The following ST8SIA6 variants were observed in gnomAD, a reference collection of about 807,000 sequenced individuals.
ST8SIA6 encodes alpha-2,8-sialyltransferase 8F.
A neutral mutation model predicts 33.6 loss-of-function variants in ST8SIA6; 39 were observed. That is an observed-to-expected ratio of 1.16 (90% confidence interval 0.90 to 1.52). The LOEUF (loss-of-function observed/expected upper bound fraction) is 1.52. ST8SIA6 is among the 40% of genes most tolerant of loss of function. The pLI, the probability that ST8SIA6 is intolerant of heterozygous loss-of-function variation, is 0.00. For synonymous variants in ST8SIA6, 172 were observed against 167.2 expected, an observed-to-expected ratio of 1.03 and a Z score of -0.22; for missense variants, 441 against 443.8, an observed-to-expected ratio of 0.99 and a Z score of 0.06.
At chr10:17,357,646 TTCTCCCTGCCTTC>T (rs1278350689) in intron 4 of ST8SIA6, among the ~76,000 whole-genome samples, 1 of 152,166 alleles carries the variant, frequency 6.6e-6, no homozygotes, top group Admixed American at 6.6e-5. Context: ...GTCCTTTAAA[TTCTCCCTGCCTTC>T]GTGGCAGGGA....
chr10:17,400,571 G>A (rs2131677728), intron 2 of ST8SIA6, among the ~76,000 whole-genome samples: 1 of 152,192 alleles, frequency 6.6e-6, no homozygotes, highest in South Asian at 2.1e-4. Flanking sequence ...ACATCAAAAA[G>A]CTTATCCACC....
chr10:17,426,188 C>T (rs1300742733), intron 2 of ST8SIA6, among the ~76,000 whole-genome samples: 3 of 152,170 alleles, frequency 2.0e-5, no homozygotes, highest in East Asian at 3.8e-4. Flanking sequence ...CTGTGTGGCA[C>T]GCGATGTCCT....
intron 7 of ST8SIA6, among the ~76,000 whole-genome samples, chr10:17,322,103 AG>A (rs1428043209): frequency 3.5e-5 from 5 of 142,066 alleles, no homozygotes; most frequent in Non-Finnish European, 7.5e-5. Flanking sequence ...ACAGAGAGAG[AG>A]AGAGAGAGAG....
chr10:17,397,734 G>A (rs1416404874), intron 2 of ST8SIA6, among the ~76,000 whole-genome samples: 1 of 152,036 alleles, frequency 6.6e-6, no homozygotes, highest in Non-Finnish European at 1.5e-5. Flanking sequence ...GCTTCTGGCT[G>A]CTTTTATTAT....
intron 3 of ST8SIA6, among the ~76,000 whole-genome samples, chr10:17,367,485 G>A (rs1017625466): frequency 1.8e-4 from 28 of 152,082 alleles, no homozygotes; most frequent in African/African-American, 6.5e-4. Flanking sequence ...AGACTTGGGT[G>A]AGGACACAGC....
chr10:17,331,572 A>G lies in ST8SIA6; in HGVS notation c.378-20T>C. The G allele has an allele frequency of 1.9e-6, 3 of 1,591,042 alleles. No homozygotes were observed. The highest frequency in any genetic ancestry group is 2.6e-6 in the Non-Finnish European group (3 of 1,172,596). Reference sequence around the variant, plus strand: ...TTGGCTCTGCAAAGGAAAAGGATGAAAAGGAAGCCAAAGTATAAGATTAAG... The same window carrying G: ...TTGGCTCTGCAAAGGAAAAGGATGAGAAGGAAGCCAAAGTATAAGATTAAG... On this transcript the variant is annotated intron_variant, in intron 4 of 7. Coordinates refer to ENST00000377602, the MANE Select transcript of ST8SIA6 (RefSeq NM_001004470.3).
At chr10:17,387,481 G>A (rs1053290203) in intron 3 of ST8SIA6, among the ~76,000 whole-genome samples, 1 of 150,566 alleles carries the variant, frequency 6.6e-6, no homozygotes, top group South Asian at 2.1e-4. Context: ...TGGTCTGGCT[G>A]GTCTCGAACT....
intron 5 of ST8SIA6, among the ~76,000 whole-genome samples, chr10:17,328,596 A>G (rs1183451453): frequency 1.3e-5 from 2 of 152,196 alleles, no homozygotes; most frequent in African/African-American, 2.4e-5. Context: ...TAAGTCCTCA[A>G]GAGCAGAGAG....
In ST8SIA6 at chr10:17,374,764, T is replaced by TATATATATATACAC. The variant is rs1441288579; in HGVS notation, c.291-15165_291-15164insGTGTATATATATAT. 7.6e-3 allele frequency among the ~76,000 whole-genome samples: 965 copies of TATATATATATACAC among 126,824 alleles called. 60 individuals carry two copies. The highest frequency in any genetic ancestry group is 0.027 in the African/African-American group (910 of 33,156). 83.2% of individuals were successfully genotyped at this position (126,824 alleles called of 152,430 possible). A position where few individuals can be genotyped will look rare whatever the true frequency, so the allele number is the denominator to read the frequency against. On this transcript the variant is annotated intron_variant, in intron 3 of 7. Coordinates refer to ENST00000377602, the MANE Select transcript of ST8SIA6 (RefSeq NM_001004470.3). ...TAAATAAATAATAAATATATATATA[T>TATATATATATACAC]ATATTTAGCTCAACTGCCCTCCCAA... is the stretch of plus-strand genomic sequence containing the variant.
rs1335936543 is a variant in ST8SIA6 at position 17,317,226 on chromosome 10, GCA to G, written c.*3650_*3651del. Among the ~76,000 whole-genome samples the G allele has an allele frequency of 5.9e-5, 9 of 152,044 alleles. No homozygotes were observed. The highest frequency in any genetic ancestry group is 2.2e-4 in the African/African-American group (9 of 41,392). Reference sequence around the variant, plus strand: ...GCCCTGTCTCCATTACATAAGTAGCGCATCTTTATCATATATCACCCACATTT... The same window carrying G: ...GCCCTGTCTCCATTACATAAGTAGCGTCTTTATCATATATCACCCACATTT... On this transcript the variant is annotated 3_prime_UTR_variant, in exon 8 of 8. Coordinates refer to ENST00000377602, the MANE Select transcript of ST8SIA6 (RefSeq NM_001004470.3).
At chr10:17,356,032 C>T (rs1014978483) in intron 4 of ST8SIA6, among the ~76,000 whole-genome samples, 2 of 152,134 alleles carry the variant, frequency 1.3e-5, no homozygotes, top group African/African-American at 2.4e-5. Flanking sequence ...TAATATATGA[C>T]AGTATTTGTC....
At chr10:17,443,170 T>C (rs1459230982) in intron 2 of ST8SIA6, among the ~76,000 whole-genome samples, 2 of 152,196 alleles carry the variant, frequency 1.3e-5, no homozygotes, top group Non-Finnish European at 2.9e-5. Context: ...ATGTAGGATA[T>C]AGGTGTCCTC....
At chr10:17,427,749 T>A (rs1399798236) in intron 2 of ST8SIA6, among the ~76,000 whole-genome samples, 2 of 152,238 alleles carry the variant, frequency 1.3e-5, no homozygotes, top group African/African-American at 4.8e-5. Flanking sequence ...AAAGACAATA[T>A]TGAGAACTGA....
intron 6 of ST8SIA6, among the ~76,000 whole-genome samples, chr10:17,324,678 G>C (rs1348401316): frequency 6.9e-6 from 1 of 145,616 alleles, no homozygotes; most frequent in Non-Finnish European, 1.5e-5. Flanking sequence ...TACTTTTGCT[G>C]ATGCCAGGTA....
intron 4 of ST8SIA6, among the ~76,000 whole-genome samples, chr10:17,340,288 C>G (rs746173873): frequency 2.6e-5 from 4 of 152,100 alleles, no homozygotes; most frequent in Non-Finnish European, 5.9e-5. Context: ...CTGAGTCACC[C>G]TGGTCACCTG....
chr10:17,356,091 C>T (rs1051977738), intron 4 of ST8SIA6, among the ~76,000 whole-genome samples: 2 of 152,098 alleles, frequency 1.3e-5, no homozygotes, highest in Admixed American at 1.3e-4. Flanking sequence ...ACTTATATTT[C>T]TTGTCTTTCT....
rs143948417 is a variant in ST8SIA6, at chr10:17,369,640, A to G, written c.291-10040T>C. Among the ~76,000 whole-genome samples the G allele has an allele frequency of 5.1e-3, 776 of 152,178 alleles. 4 individuals are homozygous for G. The highest frequency in any genetic ancestry group is 0.01 in the Admixed American group (159 of 15,288). On this transcript the variant is annotated intron_variant, in intron 3 of 7. Transcript: ENST00000377602. Reference sequence around the variant, plus strand: ...TCTTTTTCTCATTGTTCTATCCACTATTGAAAGTGGATATTGAAGTTTTGA... The same window carrying G: ...TCTTTTTCTCATTGTTCTATCCACTGTTGAAAGTGGATATTGAAGTTTTGA...
chr10:17,385,516 G>A (rs1444606830), intron 3 of ST8SIA6, among the ~76,000 whole-genome samples: 1 of 151,780 alleles, frequency 6.6e-6, no homozygotes, highest in Non-Finnish European at 1.5e-5. Context: ...AGTTTTATAG[G>A]ATTTAGGTAG....
chr10:17,347,156 AC>A (rs1848865962), intron 4 of ST8SIA6, among the ~76,000 whole-genome samples: 1 of 152,234 alleles, frequency 6.6e-6, no homozygotes, highest in South Asian at 2.1e-4. Flanking sequence ...CATCACAGCA[AC>A]ACTTAGATTA....
Sources: gnomAD v4.1 joint callset for allele counts (sites outside exome capture counted in the v4.1 genomes callset) on GRCh38, gnomAD v4.1.1 for gene constraint, MANE v1.5 for transcripts, NCBI Gene and HGNC (gene_info 2026-07-23, HGNC 2026-07-21) for gene names.